PCLO: variants seen among roughly 807,000 people sequenced by gnomAD.
The protein encoded by PCLO is piccolo presynaptic cytomatrix protein, also known as protein piccolo.
A neutral mutation model predicts 427.5 loss-of-function variants in PCLO; 82 were observed. That is an observed-to-expected ratio of 0.19 (90% CI 0.16 to 0.23). The LOEUF (loss-of-function observed/expected upper bound fraction) is 0.23, where lower values mean the gene tolerates loss of function less well. PCLO is among the 10% of genes least tolerant of loss of function. PCLO has a pLI of 1.00. For synonymous variants in PCLO, 2,357 were observed against 2,155.4 expected (o/e 1.09, Z -2.59); for missense variants, 6,239 against 6,115.9 (o/e 1.02, Z -0.67).
At chr7:82,864,242 T>C (rs1441837655) in intron 10 of PCLO, among the ~76,000 whole-genome samples, 1 of 152,174 alleles carries the variant, frequency 6.6e-6, no homozygotes, top group African/African-American at 2.4e-5. Context: ...AGTCCACAAA[T>C]ATTTAGTCAG....
intron 6 of PCLO, among the ~76,000 whole-genome samples, chr7:82,945,416 T>C (rs1239310187): frequency 6.6e-6 from 1 of 152,178 alleles, no homozygotes; most frequent in Non-Finnish European, 1.5e-5. Flanking sequence ...AAATGATATA[T>C]TGGAGTCTTA....
chr7:82,852,456 C>T (rs1329041581), intron 10 of PCLO, among the ~76,000 whole-genome samples: 2 of 152,076 alleles, frequency 1.3e-5, no homozygotes, highest in Non-Finnish European at 2.9e-5. Context: ...GTCTTCCGGC[C>T]TTCATCTTTC....
chr7:83,111,396 C>T (rs55810127), intron 3 of PCLO, among the ~76,000 whole-genome samples: 1 of 152,148 alleles, frequency 6.6e-6, no homozygotes. Flanking sequence ...AAGATACCAT[C>T]CAATTAGGCT....
At chr7:82,897,568 A>G (rs946765278) in intron 9 of PCLO, among the ~76,000 whole-genome samples, 1 of 151,446 alleles carries the variant, frequency 6.6e-6, no homozygotes, top group Non-Finnish European at 1.5e-5. Context: ...AAAATTTTAT[A>G]GTAATAATTA....
chr7:83,030,367 A>G (rs549313205), intron 3 of PCLO, among the ~76,000 whole-genome samples: 1 of 152,316 alleles, frequency 6.6e-6, no homozygotes, highest in South Asian at 2.1e-4. Flanking sequence ...TCAAAATTAG[A>G]GGACAGTAGA....
At chr7:83,072,952 T>TTCTGTCTC (rs1368911152) in intron 3 of PCLO, among the ~76,000 whole-genome samples, 1 of 151,958 alleles carries the variant, frequency 6.6e-6, no homozygotes, top group Non-Finnish European at 1.5e-5. Flanking sequence ...TGGTTTCTCT[T>TTCTGTCTC]TCTGTCTCTC....
At chr7:83,047,904 A>G (rs556264639) in intron 3 of PCLO, among the ~76,000 whole-genome samples, 27 of 152,070 alleles carry the variant, frequency 1.8e-4, no homozygotes, top group African/African-American at 4.8e-4. Flanking sequence ...ACACACCCCC[A>G]CACCCACCTC....
At chr7:82,935,785 G>A (rs1292437678) in intron 6 of PCLO, among the ~76,000 whole-genome samples, 1 of 151,614 alleles carries the variant, frequency 6.6e-6, no homozygotes, top group Non-Finnish European at 1.5e-5. Flanking sequence ...ACTGGAGTAA[G>A]ATCATAGAAA....
intron 6 of PCLO, among the ~76,000 whole-genome samples, chr7:82,938,463 C>T (rs1795006834): frequency 6.6e-6 from 1 of 151,812 alleles, no homozygotes; most frequent in African/African-American, 2.4e-5. Flanking sequence ...TCCTTTTAGT[C>T]TCTCAATGTC....
intron 10 of PCLO, among the ~76,000 whole-genome samples, chr7:82,863,138 T>A (rs1793006860): frequency 6.6e-6 from 1 of 151,970 alleles, no homozygotes; most frequent in South Asian, 2.1e-4. Context: ...CTACTATTTA[T>A]CCAAAAAATT....
At position 82,874,549 on chromosome 7, in the gene PCLO, G is replaced by A. The variant is rs1793323266; in HGVS notation, c.13654+4788C>T. ...GATCTTAGGTGAACATATGCAGATA[G>A]TTATTTTTAAAGAATAAGCATGTAG... On this transcript the variant is annotated intron_variant, in intron 10 of 24. Coordinates refer to ENST00000333891, the MANE Select transcript of PCLO (RefSeq NM_033026.6). 2.0e-5 allele frequency among the ~76,000 whole-genome samples: 3 copies of A among 152,114 alleles called. No homozygotes were observed. The South Asian group carries it at 6.2e-4, about 32-fold the overall frequency.
At chr7:83,143,617 T>C (rs916300218) in intron 2 of PCLO, among the ~76,000 whole-genome samples, 5 of 149,566 alleles carry the variant, frequency 3.3e-5, no homozygotes, top group Non-Finnish European at 7.4e-5. Context: ...TAAAAGCATA[T>C]TTTAATATGT....
rs984210601 is a variant in PCLO, at chr7:82,852,242, A to C, written c.13655-4995T>G. 2.0e-5 allele frequency among the ~76,000 whole-genome samples: 3 copies of C among 152,284 alleles called. No individual in the cohort carries two copies. In the South Asian group the frequency reaches 6.2e-4, roughly 32 times the overall value. On this transcript the variant is annotated intron_variant, in intron 10 of 24. Transcript: ENST00000333891. ...CAATAAACTATTTGTAATGGTTAAT[A>C]TTGAGTGTCAACTTGATTGGATTGA...
intron 3 of PCLO, among the ~76,000 whole-genome samples, chr7:83,011,128 C>A (rs909143210): frequency 1.3e-5 from 2 of 151,786 alleles, no homozygotes; most frequent in Non-Finnish European, 2.9e-5. Context: ...TAAACTGTAC[C>A]GTGATGGTCT....
intron 3 of PCLO, among the ~76,000 whole-genome samples, chr7:82,967,283 C>A (rs1795801153): frequency 3.4e-5 from 5 of 147,222 alleles, no homozygotes. Flanking sequence ...TCAAGCGATT[C>A]TCCTGCCTCA....
chr7:82,951,015 A>T lies in PCLO; in HGVS notation c.9573T>A (p.Phe3191Leu). The change falls in exon 6 of 25, where the codon TTT becomes TTA. Residue 3191 changes from phenylalanine to leucine, a missense_variant. Around this residue, in one of 5 missense-constraint regions of PCLO, gnomAD observed 4,677 missense variants for 4,468.4 expected, o/e 1.05. Transcript: ENST00000333891. ...VPTLTTASEVFPEVVGDESAL... is the reference protein window; with the variant it reads ...VPTLTTASEVLPEVVGDESAL... ...CACTTTCATCTCCCACCACTTCAGG[A>T]AACACTTCGGATGCTGTGGTTAAAG... 1.2e-6 allele frequency: 2 copies of T among 1,613,870 alleles called. No homozygotes were observed. The highest frequency in any genetic ancestry group is 1.7e-6 in the Non-Finnish European group (2 of 1,179,822).
intron 6 of PCLO, among the ~76,000 whole-genome samples, chr7:82,943,364 G>A (rs1015644601): frequency 3.3e-5 from 5 of 152,080 alleles, no homozygotes; most frequent in Admixed American, 3.3e-4. Context: ...ACAGAGAGGT[G>A]ATAACATTTT....
chr7:83,026,813 G>A (rs1301253111), intron 3 of PCLO, among the ~76,000 whole-genome samples: 49 of 148,198 alleles, frequency 3.3e-4, no homozygotes, highest in Middle Eastern at 7.3e-3. Flanking sequence ...ACTCAAAACC[G>A]CTCAACTACA....
At chr7:82,781,375 T>G (rs1790868865) in intron 22 of PCLO, among the ~76,000 whole-genome samples, 1 of 151,774 alleles carries the variant, frequency 6.6e-6, no homozygotes. Context: ...ACGTGTAGGT[T>G]TGTTCCGTAG....
Sources: allele counts gnomAD v4.1 joint callset (sites outside exome capture counted in the v4.1 genomes callset), GRCh38; gene constraint gnomAD v4.1.1; regional missense constraint gnomAD v4.1.1; transcripts MANE v1.5; gene names NCBI Gene and HGNC (gene_info 2026-07-23, HGNC 2026-07-21).